ABHD2: variants seen among roughly 807,000 people sequenced by gnomAD.
The protein encoded by ABHD2 is abhydrolase domain containing 2, acylglycerol lipase, also known as monoacylglycerol lipase ABHD2.
In ABHD2, 20 loss-of-function variants were observed where a neutral mutation model predicts 48.1. That is an observed-to-expected ratio of 0.42 (90% CI 0.29 to 0.60). ABHD2 has a LOEUF of 0.60. ABHD2 is among the 20% of genes least tolerant of loss of function. The probability of loss-of-function intolerance (pLI) is 0.24; values close to 1 mark genes in which losing one functional copy is unlikely to be tolerated. For missense variants in ABHD2, 405 were observed against 550.9 expected (o/e 0.74, Z 2.65); for synonymous variants, 209 against 214.2 (o/e 0.98, Z 0.21).
At chr15:89,043,614 C>T in the ABHD2 span, among the ~76,000 whole-genome samples, 7 of 95,016 alleles carry the variant, frequency 7.4e-5, no homozygotes, top group Admixed American at 1.3e-4. Flanking sequence ...GAGGAGGAGA[C>T]GAGGAGGCGG....
chr15:89,135,857 A>C lies in ABHD2; in HGVS notation c.195-15820A>C, dbSNP rs1433833902. 5 of 703,084 alleles carry C rather than the reference A, an allele frequency of 7.1e-6. No homozygotes were observed. In the East Asian group the frequency reaches 1.2e-4, roughly 18 times the overall value. The allele number at this position is 703,084 out of a possible 1,614,324, so 43.6% of individuals were successfully genotyped here. On this transcript the variant is annotated intron_variant, in intron 3 of 10. Transcript: ENST00000352732. ...ATATTTGGGCGATACTCAGAACAGA[A>C]CAGAACAGGACAGAACAGAACAGGA...
In ABHD2 at chr15:89,107,996, C is replaced by T. The variant is rs2049813544; in HGVS notation, c.-106-5729C>T. On this transcript the variant is annotated intron_variant, in intron 1 of 10. Transcript: ENST00000352732. ...GAAGCCAAGCCAATAAGTATTTATT[C>T]ACAGAATGCAATTTGTATTATGTTA... 2.0e-5 allele frequency among the ~76,000 whole-genome samples: 3 copies of T among 152,188 alleles called. No individual in the cohort carries two copies. In the South Asian group the frequency reaches 6.2e-4, roughly 31 times the overall value.
At chr15:89,122,347 G>A (rs2050065292) in intron 3 of ABHD2, among the ~76,000 whole-genome samples, 1 of 152,218 alleles carries the variant, frequency 6.6e-6, no homozygotes, top group South Asian at 2.1e-4. Context: ...TGGGGAGACA[G>A]AACAGGATTC....
chr15:89,165,304 T>TA (rs1204919453), intron 5 of ABHD2, among the ~76,000 whole-genome samples: 31 of 151,032 alleles, frequency 2.1e-4, no homozygotes, highest in South Asian at 4.1e-4. Context: ...TTTTTTTTTT[T>TA]TAAAAAAATT....
Position 89,195,739 on chromosome 15 carries a change from G to A in ABHD2, c.*316G>A, listed in dbSNP as rs1192387874. 1 of 284,600 alleles carries A rather than the reference G, an allele frequency of 3.5e-6. No homozygotes were observed. Among genetic ancestry groups the A allele is most frequent in the Non-Finnish European group, 6.6e-6 (1 of 151,238 alleles). 17.6% of individuals were successfully genotyped at this position (284,600 alleles called of 1,614,324 possible). On this transcript the variant is annotated 3_prime_UTR_variant, in exon 11 of 11. Coordinates refer to ENST00000352732, the MANE Select transcript of ABHD2 (RefSeq NM_152924.5). This position sits in a 1 kb window ranked among gnomAD's most constrained non-coding sequence, Gnocchi z 5.1. ...CATCTAGTTTCCCTATTAAAAATGT[G>A]TCTGAATAGCGATTTTGCTTTGCCA...
chr15:89,042,056 C>T, the ABHD2 span, among the ~76,000 whole-genome samples: 2 of 152,204 alleles, frequency 1.3e-5, no homozygotes, highest in Non-Finnish European at 2.9e-5. Flanking sequence ...TTACTATGTG[C>T]CGAGCACTCA....
At chr15:89,156,861 T>C (rs1475284994) in intron 5 of ABHD2, among the ~76,000 whole-genome samples, 1 of 152,212 alleles carries the variant, frequency 6.6e-6, no homozygotes, top group Non-Finnish European at 1.5e-5. Flanking sequence ...TATGCACAAA[T>C]ATTTGGGATG....
rs988728615 is a variant in ABHD2, at chr15:89,114,926, G to A, written c.-7+1102G>A. Among the ~76,000 whole-genome samples, 7 of 152,288 alleles carry A rather than the reference G, an allele frequency of 4.6e-5. No individual in the cohort carries two copies. Among genetic ancestry groups the A allele is most frequent in the East Asian group, 1.9e-4 (1 of 5,186 alleles). ...GCCCTGATGGTGGAAGACTAGTTAC[G>A]GAGCTGTGATCTTTTACTTCCATTC... On this transcript the variant is annotated intron_variant, in intron 2 of 10. Coordinates refer to ENST00000352732, the MANE Select transcript of ABHD2 (RefSeq NM_152924.5). This position sits in a 1 kb window ranked among gnomAD's most constrained non-coding sequence, Gnocchi z 4.2.
chr15:89,105,826 C>T (rs2049775502), intron 1 of ABHD2, among the ~76,000 whole-genome samples: 1 of 151,962 alleles, frequency 6.6e-6, no homozygotes, highest in South Asian at 2.1e-4. Flanking sequence ...CCCATCCCTT[C>T]TGGCTTGAGG....
chr15:89,043,677 A>AAGGAGGAGGAGAGGGAGGAGGAGG, the ABHD2 span, among the ~76,000 whole-genome samples: 1 of 100,218 alleles, frequency 1.0e-5, no homozygotes, highest in Non-Finnish European at 2.0e-5. Flanking sequence ...GGAGGAGGAG[A>AAGGAGGAGGAGAGGGAGGAGGAGG]AGGAGGAGGG....
chr15:89,150,428 C>T (rs1449164402), intron 3 of ABHD2, among the ~76,000 whole-genome samples: 1 of 152,164 alleles, frequency 6.6e-6, no homozygotes, highest in South Asian at 2.1e-4. Context: ...ATGCCTTCGC[C>T]TGCCTTCCAA....
At chr15:89,138,249 C>A (rs1181064203) in intron 3 of ABHD2, among the ~76,000 whole-genome samples, 2 of 152,250 alleles carry the variant, frequency 1.3e-5, no homozygotes, top group African/African-American at 4.8e-5. Context: ...CATGTGCACA[C>A]ACAGGAAGGC....
intron 1 of ABHD2, among the ~76,000 whole-genome samples, chr15:89,095,063 C>CAA (rs72090062): frequency 0.014 from 732 of 52,318 alleles, 22 homozygotes; most frequent in African/African-American, 0.036. Flanking sequence ...GACTGTGTCT[C>CAA]AAAAAAAAAA....
intron 3 of ABHD2, chr15:89,135,870 G>C: frequency 1.5e-6 from 1 of 684,272 alleles, no homozygotes. Context: ...GAACAGGACA[G>C]AACAGAACAG....
rs181118133 is a variant in ABHD2 at position 89,144,572 on chromosome 15, G to C, written c.195-7105G>C. On this transcript the variant is annotated intron_variant, in intron 3 of 10. Coordinates refer to ENST00000352732, the MANE Select transcript of ABHD2 (RefSeq NM_152924.5). The stretch of plus-strand genomic sequence containing the variant: ...GATGACTCTCAAAACATTATGCTAA[G>C]TGAAAAATCCCAAGACAAAAGGTCA... 2.0e-5 allele frequency among the ~76,000 whole-genome samples: 3 copies of C among 152,318 alleles called. No homozygotes were observed. The East Asian group carries it at 5.8e-4, about 29-fold the overall frequency.
Position 89,201,442 on chromosome 15 carries a change from A to G in ABHD2, c.*6019A>G. 2 of 1,360,478 alleles carry G rather than the reference A, an allele frequency of 1.5e-6. No homozygotes were observed. Among genetic ancestry groups the G allele is most frequent in the Non-Finnish European group, 2.1e-6 (2 of 961,802 alleles). The allele number at this position is 1,360,478 out of a possible 1,614,324, so 84.3% of individuals were successfully genotyped here. On this transcript the variant is annotated 3_prime_UTR_variant, in exon 11 of 11. Coordinates refer to ENST00000352732, the MANE Select transcript of ABHD2 (RefSeq NM_152924.5). ...CATTGGGGATCTCCATTTGGAATCC[A>G]TTAATTCATGAGGTTTTGCCTCATT...
chr15:89,149,461 G>A (rs1420596290), intron 3 of ABHD2, among the ~76,000 whole-genome samples: 1 of 152,116 alleles, frequency 6.6e-6, no homozygotes, highest in Non-Finnish European at 1.5e-5. Flanking sequence ...TCTCCCCCAG[G>A]TGTGTAATGT....
intron 5 of ABHD2, among the ~76,000 whole-genome samples, chr15:89,161,099 T>C (rs758026735): frequency 4.5e-4 from 69 of 152,218 alleles, no homozygotes; most frequent in Non-Finnish European, 7.1e-4. Context: ...GAATTTCCCA[T>C]GGGAGCTTTT....
intron 3 of ABHD2, among the ~76,000 whole-genome samples, chr15:89,124,581 C>G (rs2050103386): frequency 6.6e-6 from 1 of 152,246 alleles, no homozygotes; most frequent in Non-Finnish European, 1.5e-5. Context: ...TGGCTGAACA[C>G]TAAAGCTTTG....
Sources: gnomAD v4.1 joint callset for allele counts (sites outside exome capture counted in the v4.1 genomes callset) on GRCh38, gnomAD v4.1.1 for gene constraint, Gnocchi (gnomAD v3.1) non-coding constraint, MANE v1.5 for transcripts, NCBI Gene and HGNC (gene_info 2026-07-23, HGNC 2026-07-21) for gene names.